RB1CC1: variants seen among roughly 807,000 people sequenced by gnomAD.
RB1CC1 encodes RB1 inducible coiled-coil 1, also known as RB1-inducible coiled-coil protein 1.
Under a neutral mutation model 177.5 loss-of-function variants are expected in RB1CC1, and 46 were observed. The ratio of observed to expected loss-of-function variants is 0.26; its 90% CI spans 0.20 to 0.33. The LOEUF is 0.33. RB1CC1 is among the 10% of genes least tolerant of loss of function. The pLI is 1.00. For missense variants in RB1CC1, 1,703 were observed against 1,816.3 expected, an observed-to-expected ratio of 0.94 and a Z score of 1.13; for synonymous variants, 666 against 613.6, an observed-to-expected ratio of 1.09 and a Z score of -1.26.
At chr8:52,707,011 A>G (rs1003404363) in intron 1 of RB1CC1, among the ~76,000 whole-genome samples, 2 of 152,188 alleles carry the variant, frequency 1.3e-5, no homozygotes, top group Admixed American at 6.5e-5. Context: ...TGAAAAGAAC[A>G]TGAGATTTGG....
chr8:52,691,903 C>T (rs1037058078), intron 1 of RB1CC1, among the ~76,000 whole-genome samples: 1 of 152,186 alleles, frequency 6.6e-6, no homozygotes, highest in Non-Finnish European at 1.5e-5. Context: ...GTAAATGGCA[C>T]ATAAAATCAT....
At chr8:52,689,978 A>C (rs1008189538) in intron 1 of RB1CC1, among the ~76,000 whole-genome samples, 37 of 152,204 alleles carry the variant, frequency 2.4e-4, no homozygotes, top group African/African-American at 8.0e-4. Flanking sequence ...AAGTAGGCAT[A>C]ATTATCATAA....
At chr8:52,637,275 T>G (rs893060135) in intron 18 of RB1CC1, among the ~76,000 whole-genome samples, 4 of 152,248 alleles carry the variant, frequency 2.6e-5, no homozygotes, top group African/African-American at 9.6e-5. Flanking sequence ...GAACTTCTTT[T>G]GTTAAATCTA....
chr8:52,694,918 G>C (rs1413519028), intron 1 of RB1CC1, among the ~76,000 whole-genome samples: 1 of 152,178 alleles, frequency 6.6e-6, no homozygotes, highest in African/African-American at 2.4e-5. Context: ...CCAAAGATGT[G>C]ATTACTGGTG....
chr8:52,637,522 T>G (rs1257968601), intron 18 of RB1CC1, among the ~76,000 whole-genome samples: 1 of 152,180 alleles, frequency 6.6e-6, no homozygotes, highest in African/African-American at 2.4e-5. Flanking sequence ...TTTTGCACAC[T>G]GAACCTGTAT....
chr8:52,699,858 T>TATACAC (rs756226534), intron 1 of RB1CC1, among the ~76,000 whole-genome samples: 3 of 102,788 alleles, frequency 2.9e-5, no homozygotes, highest in African/African-American at 8.2e-5. Context: ...TATATATATA[T>TATACAC]ACACACAAAA....
chr8:52,635,888 TAA>T, intron 19 of RB1CC1, 125 bp downstream of exon 19: 1 of 1,176,060 alleles, frequency 8.5e-7, no homozygotes, highest in Non-Finnish European at 1.2e-6. Context: ...ACCACAAAAA[TAA>T]GTTAATCATA....
At chr8:52,647,970 G>A (rs986294190) in intron 15 of RB1CC1, among the ~76,000 whole-genome samples, 1 of 152,160 alleles carries the variant, frequency 6.6e-6, no homozygotes, top group African/African-American at 2.4e-5. Context: ...AAGAGAGGAA[G>A]GGGAGGCCAT....
intron 1 of RB1CC1, among the ~76,000 whole-genome samples, chr8:52,691,299 T>A (rs17252559): frequency 6.6e-6 from 1 of 152,076 alleles, no homozygotes; most frequent in Non-Finnish European, 1.5e-5. Context: ...TGAGGGAAAC[T>A]CCAATAAGCT....
In RB1CC1 at chr8:52,667,769, T is replaced by C. The variant is rs1224204163; in HGVS notation, c.1173+252A>G. On this transcript the variant is annotated intron_variant, in intron 8 of 23. Transcript: ENST00000025008. ...TTTAGCACAATAACTGATATGATCA[T>C]CTGCTTTCAACATATCAAAAAATGT... Among the ~76,000 whole-genome samples the C allele has an allele frequency of 3.9e-5, 6 of 152,244 alleles. 1 individual carries two copies. In the South Asian group the frequency reaches 8.3e-4, roughly 21 times the overall value.
chr8:52,641,875 G>A (rs1479024615), intron 18 of RB1CC1, among the ~76,000 whole-genome samples: 1 of 152,084 alleles, frequency 6.6e-6, no homozygotes, highest in Non-Finnish European at 1.5e-5. Flanking sequence ...ATTCAAAGGA[G>A]AACTGGTAAG....
Position 52,657,286 on chromosome 8 carries a change from A to G in RB1CC1, c.2543T>C (p.Ile848Thr). ...TTCCAGAGAACATTTTACTTTTTCAATAATGTTTCTTATTTCTACTGCTGT... is the reference window on the plus strand; with the variant it reads ...TTCCAGAGAACATTTTACTTTTTCAGTAATGTTTCTTATTTCTACTGCTGT... ...KCTAVEIRNI[I>T]EKVKCSLEIT... Residue 848 changes from isoleucine to threonine, a missense_variant, in exon 15 of 24, where the codon ATT becomes ACT. Physicochemically the swap from Ile to Thr is moderately conservative, Grantham distance 89. This residue lies in a region of RB1CC1 where 1,169 missense variants were observed against 1,184.7 expected (regional missense o/e 0.99). Coordinates refer to ENST00000025008, the MANE Select transcript of RB1CC1 (RefSeq NM_014781.5). 1 of 1,606,684 alleles carries G rather than the reference A, an allele frequency of 6.2e-7. No individual in the cohort carries two copies. Among genetic ancestry groups the G allele is most frequent in the Non-Finnish European group, 8.5e-7 (1 of 1,174,096 alleles).
chr8:52,683,570 A>G lies in RB1CC1; in HGVS notation c.348T>C (p.Ala116=), dbSNP rs773758368. 6.3e-7 allele frequency: 1 copy of G among 1,592,992 alleles called. No individual in the cohort carries two copies. Among genetic ancestry groups the G allele is most frequent in the South Asian group, 1.2e-5 (1 of 86,336 alleles). The change falls in exon 5 of 24, where the codon GCT becomes GCC. Residue 116 remains alanine, a synonymous_variant. Coordinates refer to ENST00000025008, the MANE Select transcript of RB1CC1 (RefSeq NM_014781.5). ...LMMPAVFHTV[A]SRTQLALEMY... The stretch of plus-strand genomic sequence containing the variant: ...TTACCAATGCAAGCTGTGTCCTTGA[A>G]GCAACAGTATGAAAAACTGCAGGCA...
intron 1 of RB1CC1, among the ~76,000 whole-genome samples, chr8:52,695,448 T>A (rs978289159): frequency 6.6e-6 from 1 of 152,206 alleles, no homozygotes; most frequent in Non-Finnish European, 1.5e-5. Context: ...GAACTGTGTT[T>A]GTTTGCCTTA....
chr8:52,651,463 A>C (rs1288898122), intron 15 of RB1CC1, among the ~76,000 whole-genome samples: 1 of 152,222 alleles, frequency 6.6e-6, no homozygotes, highest in Non-Finnish European at 1.5e-5. Context: ...GCCTTTATAA[A>C]AGTTTGCCAA....
chr8:52,669,617 T>A (rs1196702335), intron 7 of RB1CC1, among the ~76,000 whole-genome samples: 2 of 152,236 alleles, frequency 1.3e-5, no homozygotes, highest in East Asian at 1.9e-4. Flanking sequence ...TTTTGCACAA[T>A]GTTGTCTCAA....
intron 5 of RB1CC1, among the ~76,000 whole-genome samples, chr8:52,680,107 C>T (rs1853559650): frequency 6.7e-6 from 1 of 148,170 alleles, no homozygotes; most frequent in South Asian, 2.2e-4. Context: ...AAAATTTTAA[C>T]ATGAAATCTA....
At chr8:52,658,728 T>A (rs1204971940) in intron 13 of RB1CC1, 145 bp downstream of exon 13, 2 of 456,334 alleles carry the variant, frequency 4.4e-6, no homozygotes, top group Non-Finnish European at 7.6e-6. Context: ...CAGAAATTTC[T>A]CAAAGCAGTC....
chr8:52,640,821 A>G (rs1342676267), intron 18 of RB1CC1, among the ~76,000 whole-genome samples: 2 of 152,026 alleles, frequency 1.3e-5, no homozygotes, highest in East Asian at 3.9e-4. Context: ...TTTAATATAC[A>G]TTCTTAAGCC....
Sources: allele counts gnomAD v4.1 joint callset (sites outside exome capture counted in the v4.1 genomes callset), GRCh38; gene constraint gnomAD v4.1.1; regional missense constraint gnomAD v4.1.1; transcripts MANE v1.5; gene names NCBI Gene and HGNC (gene_info 2026-07-23, HGNC 2026-07-21).